ITPR1: variants seen among roughly 807,000 people sequenced by gnomAD.
ITPR1 encodes inositol 1,4,5-trisphosphate receptor type 1.
ITPR1 carries 96 observed loss-of-function variants against 318.4 expected under a neutral mutation model. The ratio of observed to expected loss-of-function variants is 0.30; its 90% CI spans 0.26 to 0.36. ITPR1 has a LOEUF of 0.36. Among genes scored for constraint, ITPR1 ranks in the 10% least tolerant of loss-of-function variants. The pLI is 1.00. For missense variants in ITPR1, 2,440 were observed against 3,460.2 expected, an observed-to-expected ratio of 0.71 and a Z score of 7.40; for synonymous variants, 1,312 against 1,289.9, an observed-to-expected ratio of 1.02 and a Z score of -0.37.
intron 50 of ITPR1, among the ~76,000 whole-genome samples, chr3:4,783,575 G>T (rs1287022859): frequency 6.6e-6 from 1 of 152,010 alleles, no homozygotes; most frequent in East Asian, 1.9e-4. Context: ...CCTGGCTAAT[G>T]ACATCGGGGG....
intron 39 of ITPR1, among the ~76,000 whole-genome samples, chr3:4,714,986 G>A (rs1315949695): frequency 1.3e-5 from 2 of 152,138 alleles, no homozygotes; most frequent in African/African-American, 2.4e-5. Context: ...AACATTGATC[G>A]ACCTCTTGTC....
chr3:4,531,820 T>C (rs1479081056), intron 4 of ITPR1, among the ~76,000 whole-genome samples: 1 of 152,166 alleles, frequency 6.6e-6, no homozygotes, highest in African/African-American at 2.4e-5. Flanking sequence ...GCACCTTTAC[T>C]GAACCTTTGT....
At chr3:4,789,909 C>T (rs766645289) in intron 52 of ITPR1, among the ~76,000 whole-genome samples, 12 of 152,178 alleles carry the variant, frequency 7.9e-5, no homozygotes, top group East Asian at 3.8e-4. Context: ...TGAGCCACTG[C>T]GCCCAGCCAA....
chr3:4,813,065 C>A, intron 56 of ITPR1, 77 bp from the exon 57 acceptor site: 1 of 994,070 alleles, frequency 1.0e-6, no homozygotes, highest in Non-Finnish European at 1.6e-6. Context: ...GTTTAATCAG[C>A]CGTGAATTGG....
At chr3:4,655,448 G>A (rs1033615618) in intron 12 of ITPR1, among the ~76,000 whole-genome samples, 1 of 152,270 alleles carries the variant, frequency 6.6e-6, no homozygotes, top group South Asian at 2.1e-4. Flanking sequence ...ATGAGCTGCT[G>A]TGTGACCTTG....
In ITPR1 at chr3:4,811,402, C is replaced by T. The variant is rs2048931461; in HGVS notation, c.7410C>T (p.Phe2470=). The part of the protein sequence containing the change: ...VYLFSIVGYL[F]FKDDFILEVD... The stretch of plus-strand genomic sequence containing the variant: ...TGTTCTCAATAGTGGGCTATCTTTT[C>T]TTCAAGGATGACTTTATCTTGGAAG... The change falls in exon 56 of 62, where the codon TTC becomes TTT. Residue 2470 remains phenylalanine (F), a synonymous_variant. Coordinates refer to ENST00000649015, the MANE Select transcript of ITPR1 (RefSeq NM_001378452.1). 2 of 1,613,898 alleles carry T rather than the reference C, an allele frequency of 1.2e-6. No individual in the cohort carries two copies. The highest frequency in any genetic ancestry group is 2.2e-5 in the South Asian group (2 of 91,094).
At chr3:4,728,660 A>G (rs1416112107) in intron 42 of ITPR1, among the ~76,000 whole-genome samples, 1 of 152,156 alleles carries the variant, frequency 6.6e-6, no homozygotes, top group Non-Finnish European at 1.5e-5. Context: ...TAGTCACCCT[A>G]TTGTGCTATG....
chr3:4,580,567 A>G (rs928816151), intron 4 of ITPR1, among the ~76,000 whole-genome samples: 4 of 152,176 alleles, frequency 2.6e-5, no homozygotes, highest in African/African-American at 9.7e-5. Context: ...AACAGCAGAG[A>G]GCTTGCTGTG....
chr3:4,735,587 G>A (rs973400781), intron 44 of ITPR1: 1 of 519,024 alleles, frequency 1.9e-6, no homozygotes, highest in African/African-American at 1.9e-5. Flanking sequence ...ATAAAACACT[G>A]AGAATACGCA....
intron 2 of ITPR1, among the ~76,000 whole-genome samples, chr3:4,501,983 A>C (rs1197661537): frequency 6.6e-6 from 1 of 152,220 alleles, no homozygotes; most frequent in Non-Finnish European, 1.5e-5. Context: ...ACTAGTCTCC[A>C]AGTTTCTTGC....
At chr3:4,507,988 G>A (rs2081512277) in intron 2 of ITPR1, among the ~76,000 whole-genome samples, 1 of 152,192 alleles carries the variant, frequency 6.6e-6, no homozygotes, top group Non-Finnish European at 1.5e-5. Flanking sequence ...TGATATATAA[G>A]ATTTTCACTG....
At chr3:4,704,846 C>T (rs2094724925) in intron 36 of ITPR1, among the ~76,000 whole-genome samples, 1 of 152,002 alleles carries the variant, frequency 6.6e-6, no homozygotes, top group East Asian at 1.9e-4. Flanking sequence ...ACCCAGAACC[C>T]ACTGTGTTAG....
chr3:4,782,006 T>C (rs2046868277), intron 49 of ITPR1, among the ~76,000 whole-genome samples: 1 of 152,224 alleles, frequency 6.6e-6, no homozygotes, highest in Admixed American at 6.5e-5. Context: ...GAATCTCTGA[T>C]ACCTTATAAA....
chr3:4,676,933 G>A (rs1015300014), intron 24 of ITPR1, 132 bp downstream of exon 24: 28 of 650,902 alleles, frequency 4.3e-5, no homozygotes, highest in East Asian at 1.4e-4. Flanking sequence ...TCATCCCTCC[G>A]TGTCATTTAT....
intron 39 of ITPR1, among the ~76,000 whole-genome samples, 155 bp downstream of exon 39, chr3:4,712,023 G>A (rs528403976): frequency 5.3e-5 from 8 of 152,286 alleles, no homozygotes; most frequent in Middle Eastern, 3.4e-3. Flanking sequence ...TTATCCTGCC[G>A]TTAAAGGGAG....
intron 4 of ITPR1, among the ~76,000 whole-genome samples, chr3:4,614,272 C>CA (rs2092293840): frequency 6.6e-6 from 1 of 152,146 alleles, no homozygotes; most frequent in Non-Finnish European, 1.5e-5. Context: ...TCTTAAAAAA[C>CA]AAAAACAAAT....
At chr3:4,605,231 C>A (rs1190898122) in intron 4 of ITPR1, among the ~76,000 whole-genome samples, 2 of 152,138 alleles carry the variant, frequency 1.3e-5, no homozygotes, top group African/African-American at 4.8e-5. Context: ...GGATTACAGG[C>A]CTGAGCCACC....
At chr3:4,546,619 T>C (rs2085034412) in intron 4 of ITPR1, among the ~76,000 whole-genome samples, 1 of 152,156 alleles carries the variant, frequency 6.6e-6, no homozygotes, top group South Asian at 2.1e-4. Context: ...GTAGTGTCCT[T>C]TGTGTTGTTT....
At chr3:4,592,975 C>T (rs981982318) in intron 4 of ITPR1, among the ~76,000 whole-genome samples, 6 of 152,294 alleles carry the variant, frequency 3.9e-5, no homozygotes, top group African/African-American at 1.4e-4. Context: ...ACACCAAGAC[C>T]AACTGGCTTC....
Sources: gnomAD v4.1 joint callset for allele counts (sites outside exome capture counted in the v4.1 genomes callset) on GRCh38, gnomAD v4.1.1 for gene constraint, MANE v1.5 for transcripts, NCBI Gene and HGNC (gene_info 2026-07-23, HGNC 2026-07-21) for gene names.